Variants in ATF1 observed in about 807,000 individuals in gnomAD.
ATF1 encodes the protein activating transcription factor 1.
In ATF1, 16 loss-of-function variants were observed where a neutral mutation model predicts 34.7. The ratio of observed to expected loss-of-function variants is 0.46; its 90% CI spans 0.31 to 0.70. The LOEUF (loss-of-function observed/expected upper bound fraction) is 0.70. ATF1 is among the 30% of genes least tolerant of loss of function. The pLI is 0.05. For synonymous variants in ATF1, 105 were observed against 113.1 expected (o/e 0.93, Z 0.46); for missense variants, 255 against 321.6 (o/e 0.79, Z 1.58).
chr12:50,810,310 CG>C (rs1565918225), intron 4 of ATF1, among the ~76,000 whole-genome samples: 2 of 150,804 alleles, frequency 1.3e-5, no homozygotes, highest in African/African-American at 4.9e-5. Context: ...TTCCACCTCC[CG>C]GGTTCAAGTG....
At chr12:50,802,017 T>G (rs1941521570) in intron 3 of ATF1, among the ~76,000 whole-genome samples, 1 of 152,160 alleles carries the variant, frequency 6.6e-6, no homozygotes, top group African/African-American at 2.4e-5. Flanking sequence ...CCTAAAGAAT[T>G]ATTAAAATAG....
chr12:50,807,130 T>C (rs1326225479), intron 3 of ATF1, among the ~76,000 whole-genome samples: 2 of 152,160 alleles, frequency 1.3e-5, no homozygotes, highest in Admixed American at 1.3e-4. Flanking sequence ...GGCTTAAATT[T>C]CTTGCTGTGA....
intron 2 of ATF1, among the ~76,000 whole-genome samples, chr12:50,795,155 G>T (rs1436358749): frequency 6.6e-6 from 1 of 152,112 alleles, no homozygotes; most frequent in Non-Finnish European, 1.5e-5. Context: ...TTGCTAAATC[G>T]AATGGTCTGT....
intron 1 of ATF1, among the ~76,000 whole-genome samples, chr12:50,771,390 A>C (rs1373349892): frequency 6.6e-6 from 1 of 152,112 alleles, no homozygotes; most frequent in African/African-American, 2.4e-5. Flanking sequence ...TTTTCTTACT[A>C]ATTTTCCAGA....
intron 6 of ATF1, among the ~76,000 whole-genome samples, chr12:50,815,415 T>C (rs1191982894): frequency 2.6e-5 from 4 of 152,126 alleles, no homozygotes; most frequent in African/African-American, 9.7e-5. Flanking sequence ...AGACAAGGTC[T>C]CACTGTGTCA....
At chr12:50,803,830 AAAAG>A (rs1565914969) in intron 3 of ATF1, among the ~76,000 whole-genome samples, 4 of 152,248 alleles carry the variant, frequency 2.6e-5, no homozygotes, top group South Asian at 2.1e-4. Context: ...ATATTAAACT[AAAAG>A]AAGTCATTTG....
At position 50,814,171 on chromosome 12, in the gene ATF1, A is replaced by G; in HGVS notation, c.490A>G (p.Ser164Gly). 6.2e-7 allele frequency: 1 copy of G among 1,614,102 alleles called. No homozygotes were observed. Among genetic ancestry groups the G allele is most frequent in the Non-Finnish European group, 8.5e-7 (1 of 1,179,978 alleles). The part of the protein sequence containing the change: ...TSDGQQILVP[S>G]NQVVVQTASG... ...TGATGGACAGCAGATACTTGTGCCC[A>G]GCAATCAGGTGGTCGTACAAAGTAA... Residue 164 changes from serine (S) to glycine (G), a missense_variant, in exon 5 of 7, where the codon AGC becomes GGC. Ser to Gly is a moderately conservative substitution (Grantham distance 56). Transcript: ENST00000262053.
intron 4 of ATF1, among the ~76,000 whole-genome samples, chr12:50,812,809 G>GTGA (rs1941764158): frequency 6.6e-6 from 1 of 152,066 alleles, no homozygotes; most frequent in Non-Finnish European, 1.5e-5. Flanking sequence ...TGGGTGACAA[G>GTGA]TGAGACCCTG....
At chr12:50,789,882 T>C (rs1941265387) in intron 2 of ATF1, among the ~76,000 whole-genome samples, 1 of 152,144 alleles carries the variant, frequency 6.6e-6, no homozygotes, top group South Asian at 2.1e-4. Context: ...TTTGAGACCC[T>C]GAGTAATGAG....
intron 6 of ATF1, among the ~76,000 whole-genome samples, chr12:50,818,156 A>G (rs372843513): frequency 1.8e-4 from 28 of 152,218 alleles, no homozygotes; most frequent in African/African-American, 6.0e-4. Context: ...AAATACACGT[A>G]AAGAATGGAG....
intron 1 of ATF1, chr12:50,775,667 G>A (rs1029644213): frequency 1.3e-5 from 2 of 152,354 alleles, no homozygotes; most frequent in African/African-American, 4.8e-5. Flanking sequence ...CAGTGAGTCA[G>A]AGCAAAACAA....
intron 1 of ATF1, among the ~76,000 whole-genome samples, chr12:50,767,364 C>CA (rs1233553913): frequency 1.3e-5 from 2 of 151,976 alleles, no homozygotes; most frequent in Non-Finnish European, 2.9e-5. Context: ...ACTAAAAATA[C>CA]AAAAAATTAG....
chr12:50,798,516 A>G (rs1941454892), intron 3 of ATF1, among the ~76,000 whole-genome samples: 1 of 151,998 alleles, frequency 6.6e-6, no homozygotes, highest in South Asian at 2.1e-4. Flanking sequence ...TCACTGTGTT[A>G]GCCATGATGG....
chr12:50,806,093 T>C (rs1592196236), intron 3 of ATF1, among the ~76,000 whole-genome samples: 1 of 151,688 alleles, frequency 6.6e-6, no homozygotes, highest in South Asian at 2.1e-4. Context: ...AGAGGTTGCA[T>C]TGAGCCGAGA....
rs184015096 is a variant in ATF1, at chr12:50,813,630, A to G, written c.329-380A>G. 4.5e-4 allele frequency among the ~76,000 whole-genome samples: 68 copies of G among 152,188 alleles called. No homozygotes were observed. In the East Asian group the frequency reaches 0.013, roughly 29 times the overall value. ...GGAATTTGAGACCAGCCTGGCCAACATGGAGAAGCTCCGTCTCTACTAAAA... is the reference window on the plus strand; with the variant it reads ...GGAATTTGAGACCAGCCTGGCCAACGTGGAGAAGCTCCGTCTCTACTAAAA... On this transcript the variant is annotated intron_variant, in intron 4 of 6. Transcript: ENST00000262053.
At chr12:50,768,003 G>T (rs1940681265) in intron 1 of ATF1, among the ~76,000 whole-genome samples, 1 of 151,918 alleles carries the variant, frequency 6.6e-6, no homozygotes, top group Admixed American at 6.6e-5. Flanking sequence ...TTCCCAAGTA[G>T]CTGGGATTAC....
At chr12:50,814,487 C>A in intron 6 of ATF1, 48 bp downstream of exon 6, 2 of 1,564,832 alleles carry the variant, frequency 1.3e-6, no homozygotes, top group South Asian at 1.1e-5. Flanking sequence ...TTTTACAAAT[C>A]TCACAACATA....
At chr12:50,799,954 G>C (rs1941482061) in intron 3 of ATF1, among the ~76,000 whole-genome samples, 1 of 152,130 alleles carries the variant, frequency 6.6e-6, no homozygotes, top group African/African-American at 2.4e-5. Context: ...AAAAATAATG[G>C]CTGAAAAATT....
At chr12:50,776,929 C>T (rs533364111) in intron 1 of ATF1, among the ~76,000 whole-genome samples, 1 of 152,150 alleles carries the variant, frequency 6.6e-6, no homozygotes, top group East Asian at 1.9e-4. Flanking sequence ...AGTGGGCAAT[C>T]CCAGTTTACT....
Sources: gnomAD v4.1 joint callset for allele counts (sites outside exome capture counted in the v4.1 genomes callset) on GRCh38, gnomAD v4.1.1 for gene constraint, MANE v1.5 for transcripts, NCBI Gene and HGNC (gene_info 2026-07-23, HGNC 2026-07-21) for gene names.